Variants in DNM1L observed in about 807,000 individuals in gnomAD.
DNM1L encodes dynamin 1L, also known as dynamin-1-like protein.
A neutral mutation model predicts 92.8 loss-of-function variants in DNM1L; 33 were observed. The observed-to-expected ratio is 0.36, with a 90% confidence interval of 0.27 to 0.48. The LOEUF (loss-of-function observed/expected upper bound fraction) is 0.48, where lower values mean the gene tolerates loss of function less well. Ranked by LOEUF, DNM1L falls within the 20% of genes least tolerant of loss-of-function variation. The pLI is 0.99. For synonymous variants in DNM1L, 284 were observed against 305.0 expected (o/e 0.93, Z 0.72); for missense variants, 485 against 888.8 (o/e 0.55, Z 5.78).
At chr12:32,689,155 A>G (rs1952135516) in intron 1 of DNM1L, among the ~76,000 whole-genome samples, 2 of 152,160 alleles carry the variant, frequency 1.3e-5, no homozygotes, top group Admixed American at 1.3e-4. Flanking sequence ...CATTAGGTAG[A>G]GGGTTTGAGC....
chr12:32,685,231 C>T (rs1239752356), intron 1 of DNM1L, among the ~76,000 whole-genome samples: 1 of 152,044 alleles, frequency 6.6e-6, no homozygotes, highest in Non-Finnish European at 1.5e-5. Flanking sequence ...GCCACCGCGC[C>T]CGGTCAGTGA....
At chr12:32,730,112 T>C (rs1224663762) in intron 9 of DNM1L, among the ~76,000 whole-genome samples, 2 of 152,216 alleles carry the variant, frequency 1.3e-5, no homozygotes, top group African/African-American at 2.4e-5. Flanking sequence ...ATGCCTGTAA[T>C]CTCAGCACTT....
chr12:32,681,608 C>T (rs996882467), intron 1 of DNM1L, among the ~76,000 whole-genome samples: 3 of 149,240 alleles, frequency 2.0e-5, no homozygotes, highest in African/African-American at 7.4e-5. Flanking sequence ...CCCCCCGCCC[C>T]CGCCTTTTTT....
rs1020193963 is a variant in DNM1L, at chr12:32,745,496, C to T, written c.*2086C>T. 1.9e-4 allele frequency: 29 copies of T among 152,794 alleles called. No individual in the cohort carries two copies. Among genetic ancestry groups the T allele is most frequent in the African/African-American group, 5.8e-4 (24 of 41,402 alleles). 9.5% of individuals were successfully genotyped at this position (152,794 alleles called of 1,614,324 possible). A position where few individuals can be genotyped will look rare whatever the true frequency, so the allele number is the denominator to read the frequency against. ...TCTGAAATGTAGAGATGATCTCTGA[C>T]GATACCTGTATGTTCTTATTGTGTA... is the stretch of plus-strand genomic sequence containing the variant. On this transcript the variant is annotated 3_prime_UTR_variant, in exon 20 of 20. Transcript: ENST00000549701.
At position 32,737,914 on chromosome 12, in the gene DNM1L, C is replaced by G. The variant is rs754204113; in HGVS notation, c.1646C>G (p.Pro549Arg). The change falls in exon 15 of 20, where the codon CCC becomes CGC. Residue 549 changes from proline (P) to arginine (R), a missense_variant. Pro to Arg is a moderately radical substitution (Grantham distance 103). This residue lies in a region of DNM1L where 65 missense variants were observed against 59.4 expected (regional missense o/e 1.09). Transcript: ENST00000549701. ...GCACCTGCCTCCCAGGAGCCCTCCC[C>G]CGCTGCTTCTGCTGAGGCTGATGGC... Reference protein sequence around the residue: ...ALAPASQEPSPAASAEADGKL... With the variant: ...ALAPASQEPSRAASAEADGKL... 1.2e-6 allele frequency: 2 copies of G among 1,614,002 alleles called. No individual in the cohort carries two copies. The highest frequency in any genetic ancestry group is 1.7e-6 in the Non-Finnish European group (2 of 1,179,992).
intron 1 of DNM1L, among the ~76,000 whole-genome samples, chr12:32,686,957 G>C (rs1388209331): frequency 3.3e-5 from 1 of 30,042 alleles, no homozygotes; most frequent in East Asian, 8.6e-4. Context: ...TTTTTTTTTT[G>C]AGATGGAGTC....
chr12:32,692,829 A>G (rs993249594), intron 1 of DNM1L: 4 of 152,232 alleles, frequency 2.6e-5, no homozygotes, highest in African/African-American at 9.6e-5. Context: ...ATCAGTCACA[A>G]AGTAGCTGTA....
intron 1 of DNM1L, among the ~76,000 whole-genome samples, chr12:32,695,723 G>A (rs1238051594): frequency 5.3e-5 from 8 of 152,068 alleles, no homozygotes. Context: ...AGTGGACTGT[G>A]CTGGTGCCAC....
At chr12:32,734,078 A>G (rs1179261007) in intron 13 of DNM1L, among the ~76,000 whole-genome samples, 2 of 152,236 alleles carry the variant, frequency 1.3e-5, no homozygotes, top group Non-Finnish European at 2.9e-5. Flanking sequence ...TTGGTAACTT[A>G]TAGTTTATAC....
intron 2 of DNM1L, chr12:32,706,628 G>A (rs1952937792): frequency 6.6e-6 from 3 of 451,784 alleles, no homozygotes; most frequent in South Asian, 1.6e-5. Flanking sequence ...AACTCCTTAC[G>A]CTGCATATAC....
chr12:32,731,253 AAAAAGCATTTTTCATG>A lies in DNM1L; in HGVS notation c.1201-97_1201-82del, dbSNP rs3215333. 0.14 allele frequency: 215,622 copies of A among 1,591,852 alleles called. 15,041 individuals carry two copies. The highest frequency in any genetic ancestry group is 0.18 in the Middle Eastern group (1,056 of 5,750). On this transcript the variant is annotated intron_variant, in intron 10 of 19. Transcript: ENST00000549701. This position sits in a 1 kb window ranked among gnomAD's most constrained non-coding sequence, Gnocchi z 5.1. The stretch of plus-strand genomic sequence containing the variant: ...TTATTTTGCTCTCATATTTGAAATT[AAAAAGCATTTTTCATG>A]AAAAGTACCAAAAATGTGACTTTCT...
At chr12:32,736,967 A>G (rs1954927268) in intron 13 of DNM1L, 138 bp from the exon 14 acceptor site, 2 of 775,228 alleles carry the variant, frequency 2.6e-6, no homozygotes, top group East Asian at 2.7e-5. Flanking sequence ...TTAAAATATG[A>G]TAATTATGGC....
intron 16 of DNM1L, among the ~76,000 whole-genome samples, chr12:32,738,704 T>G (rs1046908610): frequency 6.6e-6 from 1 of 152,170 alleles, no homozygotes; most frequent in Non-Finnish European, 1.5e-5. Flanking sequence ...GCTTCACATA[T>G]GCTTCAGAAG....
At chr12:32,686,801 T>C (rs747179703) in intron 1 of DNM1L, among the ~76,000 whole-genome samples, 2 of 152,222 alleles carry the variant, frequency 1.3e-5, no homozygotes, top group Non-Finnish European at 2.9e-5. Flanking sequence ...TTTGTTATTA[T>C]CTGTTTTTGA....
chr12:32,727,497 C>A, intron 9 of DNM1L: 3 of 559,446 alleles, frequency 5.4e-6, no homozygotes, highest in Non-Finnish European at 9.6e-6. Context: ...AAGCAGATGG[C>A]GCTAAAAAAA....
intron 9 of DNM1L, among the ~76,000 whole-genome samples, chr12:32,727,815 A>C (rs1235126888): frequency 6.6e-6 from 1 of 152,174 alleles, no homozygotes; most frequent in Non-Finnish European, 1.5e-5. Flanking sequence ...TGTTATATAC[A>C]CATATAAGCT....
intron 1 of DNM1L, among the ~76,000 whole-genome samples, chr12:32,681,477 G>T (rs1951800785): frequency 6.6e-6 from 1 of 152,024 alleles, no homozygotes; most frequent in African/African-American, 2.4e-5. Flanking sequence ...CCTGAGCCTG[G>T]GAGGTTGAGG....
At chr12:32,728,380 T>G (rs1380219745) in intron 9 of DNM1L, 2 of 152,188 alleles carry the variant, frequency 1.3e-5, no homozygotes, top group African/African-American at 2.4e-5. Flanking sequence ...TTGAAGAGTT[T>G]AGTGGGTAAA....
At chr12:32,718,222 ACC>A (rs1394879735) in intron 6 of DNM1L, among the ~76,000 whole-genome samples, 2 of 148,762 alleles carry the variant, frequency 1.3e-5, no homozygotes, top group Non-Finnish European at 3.0e-5. Flanking sequence ...GCTCACTGCA[ACC>A]TCTGCCTCTC....
Sources: allele counts gnomAD v4.1 joint callset (sites outside exome capture counted in the v4.1 genomes callset), GRCh38; gene constraint gnomAD v4.1.1; regional missense constraint gnomAD v4.1.1; non-coding constraint Gnocchi (gnomAD v3.1); transcripts MANE v1.5; gene names NCBI Gene and HGNC (gene_info 2026-07-23, HGNC 2026-07-21).